PRH1: variants seen among roughly 807,000 people sequenced by gnomAD.
PRH1 encodes proline rich protein HaeIII subfamily 1.
Under a neutral mutation model 7.9 loss-of-function variants are expected in PRH1, and 7 were observed. The ratio of observed to expected loss-of-function variants is 0.89; its 90% CI spans 0.50 to 1.67. The LOEUF is 1.67. Among genes scored for constraint, PRH1 ranks in the 40% most tolerant of loss-of-function variants. The pLI is 0.00. For synonymous variants in PRH1, 45 were observed against 80.8 expected, an observed-to-expected ratio of 0.56 and a Z score of 2.38; for missense variants, 109 against 223.6, an observed-to-expected ratio of 0.49 and a Z score of 3.27.
chr12:11,086,117 C>A (rs1427302771), intron 1 of PRH1, among the ~76,000 whole-genome samples: 3 of 18,428 alleles, frequency 1.6e-4, no homozygotes, highest in Non-Finnish European at 5.6e-4. Context: ...CCCCCCCACA[C>A]ACACACCCCT....
At chr12:11,120,408 A>C (rs900744408), downstream of PRH1, among the ~76,000 whole-genome samples, 4 of 152,080 alleles carry the variant, frequency 2.6e-5, no homozygotes, top group South Asian at 2.1e-4. Context: ...CCTTTTCTGG[A>C]CTTCTCCTTT....
chr12:11,107,997 A>T (rs1945477524), intron 1 of PRH1, among the ~76,000 whole-genome samples: 1 of 152,060 alleles, frequency 6.6e-6, no homozygotes, highest in East Asian at 2.0e-4. Context: ...GAGTGGTATG[A>T]CATATTAAAA....
chr12:11,099,887 G>A (rs1054587521), intron 1 of PRH1, among the ~76,000 whole-genome samples: 1 of 152,164 alleles, frequency 6.6e-6, no homozygotes, highest in African/African-American at 2.4e-5. Context: ...AAAGTAGATG[G>A]GGAATGGCAA....
At chr12:10,920,678 G>A (rs191812183) in intron 2 of PRH1, among the ~76,000 whole-genome samples, 262 of 151,980 alleles carry the variant, frequency 1.7e-3, no homozygotes, top group African/African-American at 6.1e-3. Context: ...TATCTAGGTG[G>A]AATTACTACT....
At chr12:11,119,088 T>A (rs958674233), downstream of PRH1, among the ~76,000 whole-genome samples, 6 of 151,600 alleles carry the variant, frequency 4.0e-5, no homozygotes, top group African/African-American at 1.5e-4. Flanking sequence ...TGAGATCCTG[T>A]CATTTGCAGC....
chr12:10,887,086 G>A (rs532321556), upstream of PRH1, among the ~76,000 whole-genome samples: 15 of 152,282 alleles, frequency 9.9e-5, no homozygotes, highest in African/African-American at 3.6e-4. Context: ...CAAATTTCAT[G>A]CCTCAGCTCT....
intron 2 of PRH1, among the ~76,000 whole-genome samples, chr12:10,918,880 T>C (rs1156599076): frequency 4.6e-5 from 7 of 152,300 alleles, no homozygotes; most frequent in Middle Eastern, 3.4e-3. Context: ...TAAATTTTTT[T>C]CTACTGTTTA....
At chr12:11,158,944 CTCAAGGAAG>C (rs1442625094) in intron 1 of PRH1, 1 of 151,998 alleles carries the variant, frequency 6.6e-6, no homozygotes, top group Non-Finnish European at 1.5e-5. Context: ...AATTCTCTAC[CTCAAGGAAG>C]ATCCAATCTC....
downstream of PRH1, among the ~76,000 whole-genome samples, chr12:11,118,824 C>T (rs569669550): frequency 2.6e-4 from 39 of 152,008 alleles, no homozygotes; most frequent in Non-Finnish European, 4.6e-4. Flanking sequence ...GAAACCCCAT[C>T]GCTACTAAAA....
intron 1 of PRH1, chr12:11,030,250 T>G: frequency 1.2e-6 from 1 of 830,080 alleles, no homozygotes. Flanking sequence ...TATATTTTTT[T>G]TTCTAGACTA....
chr12:10,940,226 A>G (rs1036254219), intron 2 of PRH1, among the ~76,000 whole-genome samples: 8 of 152,144 alleles, frequency 5.3e-5, no homozygotes, highest in African/African-American at 1.9e-4. Context: ...GCGCACACAC[A>G]CAAACACACA....
chr12:11,077,730 T>C lies in PRH1; in HGVS notation n.124-30542A>G, dbSNP rs1403103053. 150 of 1,220,178 alleles carry C rather than the reference T, an allele frequency of 1.2e-4. 30 individuals are homozygous for C. The highest frequency in any genetic ancestry group is 1.7e-4 in the Non-Finnish European group (144 of 834,466). 75.6% of individuals were successfully genotyped at this position (1,220,178 alleles called of 1,614,324 possible). A position where few individuals can be genotyped will look rare whatever the true frequency, so the allele number is the denominator to read the frequency against. On this transcript the variant is annotated intron_variant and non_coding_transcript_variant, in intron 1 of 4. Coordinates refer to the PRH1 transcript ENST00000541977. ...TTACAGTCAAGTTTGAAAGGTGTAT[T>C]GCATTCCTCAATTTGATCTTCCAAG...
intron 1 of PRH1, among the ~76,000 whole-genome samples, chr12:11,088,120 C>T (rs1944768814): frequency 7.6e-6 from 1 of 131,026 alleles, no homozygotes; most frequent in Non-Finnish European, 1.7e-5. Context: ...ACGGGAAGAT[C>T]ATTTGAGCCC....
At chr12:10,960,775 C>T (rs1286916001) in intron 2 of PRH1, among the ~76,000 whole-genome samples, 1 of 152,136 alleles carries the variant, frequency 6.6e-6, no homozygotes, top group Non-Finnish European at 1.5e-5. Context: ...AGAAGAGAGA[C>T]ATAAACCTCA....
At chr12:10,888,256 T>C (rs954735735), upstream of PRH1, among the ~76,000 whole-genome samples, 5 of 152,186 alleles carry the variant, frequency 3.3e-5, no homozygotes, top group African/African-American at 9.7e-5. Context: ...TCAGGTCAAT[T>C]GATTCGCAAA....
rs150167212 is a variant in PRH1 at position 10,918,955 on chromosome 12, C to T, written c.-58-34680G>A. Among the ~76,000 whole-genome samples, 253 of 152,086 alleles carry T rather than the reference C, an allele frequency of 1.7e-3. 2 individuals carry two copies. The highest frequency in any genetic ancestry group is 5.7e-3 in the African/African-American group (238 of 41,498). On this transcript the variant is annotated intron_variant, in intron 2 of 3. Transcript: ENST00000539853. ...CCTTTCTATATTTATTTTCTTGAGG[C>T]ATTCAGAAATTCTTCCAGTCATGCT... is the stretch of plus-strand genomic sequence containing the variant.
intron 1 of PRH1, among the ~76,000 whole-genome samples, chr12:11,019,647 A>T (rs1941489661): frequency 1.3e-5 from 2 of 152,298 alleles, no homozygotes; most frequent in Non-Finnish European, 2.9e-5. Context: ...AGAAAATATC[A>T]TAATACAAAT....
chr12:11,015,559 C>G (rs1393562314), intron 1 of PRH1, among the ~76,000 whole-genome samples: 1 of 152,158 alleles, frequency 6.6e-6, no homozygotes, highest in South Asian at 2.1e-4. Flanking sequence ...ATATTGGCCA[C>G]TCCAACAGAG....
intron 2 of PRH1, chr12:10,973,648 A>T: frequency 1.3e-6 from 1 of 778,710 alleles, no homozygotes; most frequent in Non-Finnish European, 2.4e-6. Flanking sequence ...TGATATGTAG[A>T]AGTTACCTGT....
Sources: gnomAD v4.1 joint callset for allele counts (sites outside exome capture counted in the v4.1 genomes callset) on GRCh38, gnomAD v4.1.1 for gene constraint, MANE v1.5 for transcripts, NCBI Gene and HGNC (gene_info 2026-07-23, HGNC 2026-07-21) for gene names.